Variants in CDH13 observed in about 807,000 individuals in gnomAD.
CDH13 encodes cadherin-13.
A neutral mutation model predicts 63.8 loss-of-function variants in CDH13; 24 were observed. The ratio of observed to expected loss-of-function variants is 0.38; its 90% CI spans 0.27 to 0.53. The LOEUF (loss-of-function observed/expected upper bound fraction) is 0.53. CDH13 is among the 20% of genes least tolerant of loss of function. The probability of loss-of-function intolerance (pLI) is 0.85; values close to 1 mark genes in which losing one functional copy is unlikely to be tolerated. For missense variants in CDH13, 1,049 were observed against 903.1 expected (o/e 1.16, Z -2.07); for synonymous variants, 503 against 355.3 (o/e 1.42, Z -4.67).
intron 2 of CDH13, among the ~76,000 whole-genome samples, chr16:82,939,696 C>G (rs1331905709): frequency 3.3e-5 from 5 of 152,118 alleles, no homozygotes; most frequent in Non-Finnish European, 7.4e-5. Context: ...TTTAAGAAGT[C>G]CTTTCTCCTC....
rs553374795 is a variant in CDH13 at position 83,619,750 on chromosome 16, T to C, written c.1101+17156T>C. On this transcript the variant is annotated intron_variant, in intron 8 of 13. Coordinates refer to ENST00000567109, the MANE Select transcript of CDH13 (RefSeq NM_001257.5). Reference sequence around the variant, plus strand: ...TTGACTAGGGCCTACCATAGTAGCCTCGCTGTAACTTGATTCTCTCTGTCA... The same window carrying C: ...TTGACTAGGGCCTACCATAGTAGCCCCGCTGTAACTTGATTCTCTCTGTCA... Among the ~76,000 whole-genome samples, 4 of 152,348 alleles carry C rather than the reference T, an allele frequency of 2.6e-5. 1 individual carries two copies. The highest frequency in any genetic ancestry group is 9.6e-5 in the African/African-American group (4 of 41,586).
chr16:83,079,858 A>T (rs1054778393), intron 3 of CDH13, among the ~76,000 whole-genome samples: 1 of 152,194 alleles, frequency 6.6e-6, no homozygotes, highest in Non-Finnish European at 1.5e-5. Flanking sequence ...ACCTTATATA[A>T]ATTTCTCTGG....
chr16:83,140,133 T>G (rs2036466187), intron 4 of CDH13, among the ~76,000 whole-genome samples: 1 of 152,230 alleles, frequency 6.6e-6, no homozygotes, highest in Non-Finnish European at 1.5e-5. Flanking sequence ...CACCAGAGGT[T>G]TAGATCCCAT....
rs1222855570 is a variant in CDH13, at chr16:82,627,036, C to T, written c.-57C>T. On this transcript the variant is annotated 5_prime_UTR_variant, in exon 1 of 14. Transcript: ENST00000567109. ...AAGCCTGGCTCCCACGGAAAATATG[C>T]TCAGTGCAGCCGCGTGCATGAATGA... is the stretch of plus-strand genomic sequence containing the variant. 7.1e-6 allele frequency: 11 copies of T among 1,558,528 alleles called. No homozygotes were observed. The highest frequency in any genetic ancestry group is 9.6e-6 in the Non-Finnish European group (11 of 1,150,016).
At chr16:83,287,986 C>A (rs74031971) in intron 5 of CDH13, among the ~76,000 whole-genome samples, 2,222 of 152,264 alleles carry the variant, frequency 0.015, 54 homozygotes, top group African/African-American at 0.051. Flanking sequence ...AAAAAGAGGG[C>A]ATCAGTATTA....
intron 6 of CDH13, among the ~76,000 whole-genome samples, chr16:83,378,300 A>G (rs2091493281): frequency 6.6e-6 from 1 of 152,156 alleles, no homozygotes; most frequent in East Asian, 1.9e-4. Context: ...GGAGAGCTGT[A>G]ACTTACACCT....
chr16:83,327,926 A>AT (rs1245472619), intron 5 of CDH13, among the ~76,000 whole-genome samples: 1 of 152,136 alleles, frequency 6.6e-6, no homozygotes. Flanking sequence ...AAGTCAGGAG[A>AT]TCGAGACCAT....
At position 83,221,645 on chromosome 16, in the gene CDH13, G is replaced by C. The variant is rs559365693; in HGVS notation, c.636+4148G>C. On this transcript the variant is annotated intron_variant, in intron 5 of 13. Transcript: ENST00000567109. ...GTGGGAGACCATCTGTTAGGCGAGT[G>C]GGGGAGGAAGACGGTGGGGGGGCGG... Among the ~76,000 whole-genome samples, 89 of 151,668 alleles carry C rather than the reference G, an allele frequency of 5.9e-4. 1 individual carries two copies. Among genetic ancestry groups the C allele is most frequent in the Non-Finnish European group, 6.5e-4 (44 of 67,946 alleles).
intron 1 of CDH13, among the ~76,000 whole-genome samples, chr16:82,758,365 A>G (rs561702455): frequency 1.3e-5 from 2 of 152,272 alleles, no homozygotes; most frequent in Non-Finnish European, 1.5e-5. Flanking sequence ...AGGGAAAGTT[A>G]AGGTCCTAAC....
chr16:83,713,023 C>G (rs1431782607), intron 10 of CDH13, among the ~76,000 whole-genome samples: 14 of 152,276 alleles, frequency 9.2e-5, no homozygotes, highest in African/African-American at 2.4e-5. Context: ...ATAATTCTGG[C>G]CAAATATCCC....
chr16:83,037,533 A>G (rs528585393), intron 3 of CDH13, among the ~76,000 whole-genome samples: 16 of 152,318 alleles, frequency 1.1e-4, no homozygotes, highest in Admixed American at 3.3e-4. Flanking sequence ...TATCTGGATG[A>G]TTCCAGATTG....
At chr16:82,863,657 A>C (rs1237563537) in intron 2 of CDH13, among the ~76,000 whole-genome samples, 1 of 152,156 alleles carries the variant, frequency 6.6e-6, no homozygotes, top group Non-Finnish European at 1.5e-5. Context: ...TATTATTATT[A>C]TTATTGTCCT....
At chr16:83,773,658 A>G (rs986703050) in intron 11 of CDH13, among the ~76,000 whole-genome samples, 2 of 152,196 alleles carry the variant, frequency 1.3e-5, no homozygotes, top group Non-Finnish European at 2.9e-5. Flanking sequence ...TCAGGGCTCT[A>G]GAGTCTGAAA....
intron 4 of CDH13, among the ~76,000 whole-genome samples, chr16:83,140,633 T>G (rs957567352): frequency 1.6e-4 from 25 of 152,082 alleles, no homozygotes; most frequent in African/African-American, 5.6e-4. Context: ...TTTTGTACTT[T>G]TAGTAGAGAA....
intron 4 of CDH13, among the ~76,000 whole-genome samples, chr16:83,127,740 A>G (rs1034783669): frequency 6.6e-6 from 1 of 151,950 alleles, no homozygotes; most frequent in Non-Finnish European, 1.5e-5. Flanking sequence ...CAAACACACA[A>G]ACAAAAAATC....
At chr16:82,932,008 C>A (rs965719794) in intron 2 of CDH13, among the ~76,000 whole-genome samples, 1 of 152,064 alleles carries the variant, frequency 6.6e-6, no homozygotes, top group Non-Finnish European at 1.5e-5. Flanking sequence ...ACAGTTAAGA[C>A]CTCTGGTAAA....
intron 8 of CDH13, among the ~76,000 whole-genome samples, chr16:83,660,745 G>T (rs1913363370): frequency 6.6e-6 from 1 of 152,206 alleles, no homozygotes; most frequent in South Asian, 2.1e-4. Flanking sequence ...AGATTCAGAT[G>T]TTGGTGGTCA....
intron 4 of CDH13, among the ~76,000 whole-genome samples, chr16:83,192,396 G>T (rs1231577539): frequency 6.6e-6 from 1 of 152,170 alleles, no homozygotes; most frequent in East Asian, 1.9e-4. Flanking sequence ...GTTCAGAGTT[G>T]TGGCCTTTGG....
rs548688786 is a variant in CDH13, at chr16:83,461,680, G to T, written c.782-24797G>T. Among the ~76,000 whole-genome samples the T allele has an allele frequency of 3.3e-5, 5 of 152,304 alleles. No homozygotes were observed. The South Asian group carries it at 6.2e-4, about 19-fold the overall frequency. On this transcript the variant is annotated intron_variant, in intron 6 of 13. Transcript: ENST00000567109. Reference sequence around the variant, plus strand: ...GCTAGCATGCATCAAGGTGTATCTTGTATAGTTTTCTCCCAGCATCTTGAT... The same window carrying T: ...GCTAGCATGCATCAAGGTGTATCTTTTATAGTTTTCTCCCAGCATCTTGAT...
Sources: allele counts gnomAD v4.1 joint callset (sites outside exome capture counted in the v4.1 genomes callset), GRCh38; gene constraint gnomAD v4.1.1; transcripts MANE v1.5; gene names NCBI Gene and HGNC (gene_info 2026-07-23, HGNC 2026-07-21).